CTNNA3: variants seen among roughly 807,000 people sequenced by gnomAD.
CTNNA3 encodes catenin alpha 3, also known as catenin alpha-3.
CTNNA3 carries 76 observed loss-of-function variants against 95.7 expected under a neutral mutation model. The observed-to-expected ratio is 0.79, with a 90% confidence interval of 0.66 to 0.96. CTNNA3 has a LOEUF of 0.96. Among genes scored for constraint, CTNNA3 ranks in the 40% least tolerant of loss-of-function variants. CTNNA3 has a pLI of 0.00. For synonymous variants in CTNNA3, 431 were observed against 374.4 expected (o/e 1.15, Z -1.74); for missense variants, 1,191 against 1,089.8 (o/e 1.09, Z -1.31).
chr10:67,247,019 A>T (rs1213731902), intron 5 of CTNNA3, among the ~76,000 whole-genome samples: 1 of 152,198 alleles, frequency 6.6e-6, no homozygotes, highest in East Asian at 1.9e-4. Flanking sequence ...AAAATACATA[A>T]ATAAATCTTC....
At chr10:66,489,900 G>C (rs1298027701) in intron 11 of CTNNA3, among the ~76,000 whole-genome samples, 3 of 152,176 alleles carry the variant, frequency 2.0e-5, no homozygotes, top group East Asian at 1.9e-4. Context: ...TGGCCAAAAG[G>C]CCTTCTATTT....
intron 9 of CTNNA3, among the ~76,000 whole-genome samples, chr10:66,680,466 G>A (rs905002303): frequency 6.6e-6 from 1 of 152,114 alleles, no homozygotes; most frequent in Non-Finnish European, 1.5e-5. Flanking sequence ...AAGAAGAATG[G>A]CAAAATTCTG....
chr10:67,672,635 G>T (rs983022864), intron 1 of CTNNA3, among the ~76,000 whole-genome samples: 2 of 152,106 alleles, frequency 1.3e-5, no homozygotes, highest in African/African-American at 4.8e-5. Flanking sequence ...CCCATTGCTT[G>T]TTTCTCTCAG....
intron 10 of CTNNA3, among the ~76,000 whole-genome samples, chr10:66,604,691 A>C (rs2132267791): frequency 6.6e-6 from 1 of 151,786 alleles, no homozygotes; most frequent in East Asian, 2.0e-4. Context: ...CTGAGAGCTA[A>C]GTGTTCACTC....
At chr10:66,102,636 T>C (rs1211657304) in intron 14 of CTNNA3, among the ~76,000 whole-genome samples, 1 of 152,114 alleles carries the variant, frequency 6.6e-6, no homozygotes, top group Non-Finnish European at 1.5e-5. Flanking sequence ...TAAAGTGAAG[T>C]ACAATATCTC....
chr10:66,870,095 T>C (rs1844338466), intron 7 of CTNNA3, among the ~76,000 whole-genome samples: 1 of 152,168 alleles, frequency 6.6e-6, no homozygotes, highest in Non-Finnish European at 1.5e-5. Flanking sequence ...GGAAACATCG[T>C]ACCACCCAGC....
chr10:66,618,651 C>T (rs1032961778), intron 10 of CTNNA3, among the ~76,000 whole-genome samples: 1 of 152,078 alleles, frequency 6.6e-6, no homozygotes, highest in Non-Finnish European at 1.5e-5. Context: ...TAGGCATGGG[C>T]AAGGACTTCA....
chr10:67,368,481 C>T (rs1333305322), intron 5 of CTNNA3, among the ~76,000 whole-genome samples: 1 of 152,112 alleles, frequency 6.6e-6, no homozygotes, highest in Non-Finnish European at 1.5e-5. Flanking sequence ...AATACATCTA[C>T]CATGTGACTA....
intron 12 of CTNNA3, among the ~76,000 whole-genome samples, chr10:66,376,328 A>T (rs181499761): frequency 5.3e-5 from 8 of 152,256 alleles, no homozygotes; most frequent in Admixed American, 4.6e-4. Context: ...ACAGGGATAA[A>T]TGGGGTGGAA....
chr10:66,582,031 GATT>G (rs1433986914), intron 10 of CTNNA3, among the ~76,000 whole-genome samples: 3 of 151,790 alleles, frequency 2.0e-5, no homozygotes, highest in Non-Finnish European at 4.4e-5. Flanking sequence ...GTACCATGCT[GATT>G]TGGTTACGTT....
intron 13 of CTNNA3, among the ~76,000 whole-genome samples, chr10:66,201,113 A>G (rs2087375248): frequency 6.6e-6 from 1 of 152,148 alleles, no homozygotes; most frequent in South Asian, 2.1e-4. Context: ...TCCCATTCTC[A>G]TTACCTAATA....
At chr10:67,203,354 G>A (rs1027608610) in intron 6 of CTNNA3, among the ~76,000 whole-genome samples, 4 of 152,056 alleles carry the variant, frequency 2.6e-5, no homozygotes, top group South Asian at 4.1e-4. Context: ...CTCCTCATTC[G>A]CCTTCCACCA....
intron 3 of CTNNA3, among the ~76,000 whole-genome samples, chr10:67,568,629 T>C (rs1419036165): frequency 6.6e-6 from 1 of 152,030 alleles, no homozygotes; most frequent in African/African-American, 2.4e-5. Flanking sequence ...TTTTTACTGG[T>C]GTCCATTTTG....
At chr10:65,944,361 G>A (rs2077477612) in intron 17 of CTNNA3, among the ~76,000 whole-genome samples, 1 of 152,250 alleles carries the variant, frequency 6.6e-6, no homozygotes, top group African/African-American at 2.4e-5. Context: ...GGCATGGCTA[G>A]TGTTCCCAGG....
chr10:66,872,316 A>G (rs1844440969), intron 7 of CTNNA3, among the ~76,000 whole-genome samples: 1 of 152,232 alleles, frequency 6.6e-6, no homozygotes, highest in East Asian at 1.9e-4. Flanking sequence ...GCTATTAATT[A>G]TAAACATCAG....
chr10:66,500,548 C>A (rs17179265), intron 11 of CTNNA3, among the ~76,000 whole-genome samples: 24,748 of 151,986 alleles, frequency 0.16, 2,137 homozygotes, highest in African/African-American at 0.19. Context: ...TCTCTACCTT[C>A]ATGAAATTTC....
chr10:67,659,688 G>A (rs1840124088), intron 1 of CTNNA3, among the ~76,000 whole-genome samples: 1 of 152,204 alleles, frequency 6.6e-6, no homozygotes, highest in African/African-American at 2.4e-5. Flanking sequence ...TCAACTTTAA[G>A]CAACCACGGC....
chr10:67,268,457 G>T (rs776960390), intron 5 of CTNNA3, among the ~76,000 whole-genome samples: 26 of 152,026 alleles, frequency 1.7e-4, no homozygotes, highest in Non-Finnish European at 3.5e-4. Context: ...GGAGTTCAAG[G>T]CTGCAGGGAG....
intron 7 of CTNNA3, among the ~76,000 whole-genome samples, chr10:66,800,162 A>C (rs79874346): frequency 0.042 from 6,395 of 151,494 alleles, 453 homozygotes; most frequent in African/African-American, 0.15. Context: ...AGACATTTAG[A>C]AGAATTAGAT....
Sources: allele counts gnomAD v4.1 joint callset (sites outside exome capture counted in the v4.1 genomes callset), GRCh38; gene constraint gnomAD v4.1.1; transcripts MANE v1.5; gene names NCBI Gene and HGNC (gene_info 2026-07-23, HGNC 2026-07-21).